Variants in MACROD2 observed in about 807,000 individuals in gnomAD.
MACROD2 encodes the protein mono-ADP ribosylhydrolase 2.
A neutral mutation model predicts 70.4 loss-of-function variants in MACROD2; 36 were observed. The ratio of observed to expected loss-of-function variants is 0.51; its 90% CI spans 0.39 to 0.68. The LOEUF (loss-of-function observed/expected upper bound fraction) is 0.68, where lower values mean the gene tolerates loss of function less well. MACROD2 is among the 30% of genes least tolerant of loss of function. The probability of loss-of-function intolerance (pLI) is 0.00; values close to 1 mark genes in which losing one functional copy is unlikely to be tolerated. For synonymous variants in MACROD2, 172 were observed against 178.8 expected, an observed-to-expected ratio of 0.96 and a Z score of 0.30; for missense variants, 496 against 538.4, an observed-to-expected ratio of 0.92 and a Z score of 0.78.
chr20:15,234,009 ATTCTTTTTTTTTTT>A (rs1555795282), intron 6 of MACROD2, among the ~76,000 whole-genome samples: 2 of 39,990 alleles, frequency 5.0e-5, no homozygotes, highest in African/African-American at 8.6e-5. Context: ...ATATATATAT[ATTCTTTTTTTTTTT>A]TTTTTTTTTT....
chr20:14,814,376 G>C (rs1281991937), intron 5 of MACROD2, among the ~76,000 whole-genome samples: 1 of 151,998 alleles, frequency 6.6e-6, no homozygotes, highest in Non-Finnish European at 1.5e-5. Context: ...AACAGTAAAT[G>C]CTTACAGTTT....
At chr20:14,988,338 A>G (rs1386775482) in intron 5 of MACROD2, among the ~76,000 whole-genome samples, 2 of 137,708 alleles carry the variant, frequency 1.5e-5, no homozygotes, top group African/African-American at 5.5e-5. Flanking sequence ...TACTCCAGCC[A>G]GAGAATGAGA....
chr20:15,192,990 T>C (rs1448178653), intron 5 of MACROD2, among the ~76,000 whole-genome samples: 1 of 152,212 alleles, frequency 6.6e-6, no homozygotes, highest in Admixed American at 6.5e-5. Context: ...GACAGAGCTG[T>C]CAGCTTTGTG....
chr20:14,376,902 T>C (rs2083377325), intron 3 of MACROD2, among the ~76,000 whole-genome samples: 1 of 151,994 alleles, frequency 6.6e-6, no homozygotes, highest in Non-Finnish European at 1.5e-5. Flanking sequence ...TGAATCTGTT[T>C]TCTTATCTAT....
intron 8 of MACROD2, among the ~76,000 whole-genome samples, chr20:15,742,245 A>G (rs987820690): frequency 2.0e-5 from 3 of 152,208 alleles, no homozygotes; most frequent in African/African-American, 7.2e-5. Flanking sequence ...TCTCTGACTC[A>G]TCTTAAAAAG....
At chr20:15,237,343 A>G (rs1459904184) in intron 6 of MACROD2, among the ~76,000 whole-genome samples, 2 of 152,198 alleles carry the variant, frequency 1.3e-5, no homozygotes, top group Admixed American at 6.5e-5. Context: ...TTGAGTCCAC[A>G]TTTAGAGAAT....
intron 10 of MACROD2, among the ~76,000 whole-genome samples, chr20:15,922,980 T>TC (rs11087151): frequency 1 from 152,336 of 152,336 alleles, 76,168 homozygotes; most frequent in Non-Finnish European, 1. Flanking sequence ...TATTTTTGTC[T>TC]ACAAATATTA....
chr20:14,315,552 GATA>G lies in MACROD2; in HGVS notation c.272-177922_272-177920del, dbSNP rs1398017390. Among the ~76,000 whole-genome samples, 12 of 152,238 alleles carry G rather than the reference GATA, an allele frequency of 7.9e-5. No homozygotes were observed. The East Asian group carries it at 1.9e-3, about 24-fold the overall frequency. ...AGTTTGCATTTTAATGAGGCATATA[GATA>G]ATAACACATAAGCAAAATATTAAAT... On this transcript the variant is annotated intron_variant, in intron 3 of 17. Transcript: ENST00000684519.
chr20:15,522,955 A>G (rs2047672901), intron 8 of MACROD2, among the ~76,000 whole-genome samples: 1 of 152,218 alleles, frequency 6.6e-6, no homozygotes, highest in South Asian at 2.1e-4. Flanking sequence ...ATCTCATTAC[A>G]ACTCCAGCAA....
At chr20:14,702,104 A>C (rs1021556305) in intron 5 of MACROD2, among the ~76,000 whole-genome samples, 1 of 151,530 alleles carries the variant, frequency 6.6e-6, no homozygotes, top group Non-Finnish European at 1.5e-5. Flanking sequence ...GTTTCTTTTG[A>C]ATTTCTTCCC....
chr20:14,227,720 T>C (rs556361359), intron 3 of MACROD2, among the ~76,000 whole-genome samples: 3 of 152,248 alleles, frequency 2.0e-5, no homozygotes, highest in Admixed American at 6.5e-5. Flanking sequence ...AGATGCCAAC[T>C]TTACTTTTTT....
intron 3 of MACROD2, among the ~76,000 whole-genome samples, chr20:14,245,362 C>CAA (rs11477339): frequency 1.0e-4 from 13 of 129,922 alleles, no homozygotes; most frequent in African/African-American, 3.1e-4. Flanking sequence ...GACTTCGTCT[C>CAA]AAAAAAAAAA....
At chr20:15,933,444 T>A in intron 11 of MACROD2, 106 bp downstream of exon 11, 5 of 999,562 alleles carry the variant, frequency 5.0e-6, no homozygotes, top group Non-Finnish European at 7.4e-6. Context: ...TTTCACCAGA[T>A]GAACTCCAGT....
intron 6 of MACROD2, among the ~76,000 whole-genome samples, chr20:15,412,097 TAAATGGATCA>T (rs2046086504): frequency 6.6e-6 from 1 of 152,160 alleles, no homozygotes; most frequent in African/African-American, 2.4e-5. Flanking sequence ...GTTCAGTTGC[TAAATGGATCA>T]AAATTAGTTT....
At chr20:14,541,254 C>T (rs1412780315) in intron 4 of MACROD2, among the ~76,000 whole-genome samples, 1 of 152,110 alleles carries the variant, frequency 6.6e-6, no homozygotes, top group African/African-American at 2.4e-5. Flanking sequence ...CATTTGATGA[C>T]ATACTTTTTA....
At chr20:14,515,465 G>GCGCACACACACACACA (rs1369248292) in intron 4 of MACROD2, among the ~76,000 whole-genome samples, 1,994 of 127,124 alleles carry the variant, frequency 0.016, 24 homozygotes, top group African/African-American at 0.025. Context: ...ACACACACAC[G>GCGCACACACACACACA]CACACACACA....
At chr20:14,729,325 A>G (rs996824833) in intron 5 of MACROD2, among the ~76,000 whole-genome samples, 1 of 152,196 alleles carries the variant, frequency 6.6e-6, no homozygotes, top group African/African-American at 2.4e-5. Context: ...AAGATTGACT[A>G]GACTAGATAT....
chr20:15,350,109 T>C (rs2078211412), intron 6 of MACROD2, among the ~76,000 whole-genome samples: 1 of 152,340 alleles, frequency 6.6e-6, no homozygotes, highest in African/African-American at 2.4e-5. Flanking sequence ...TGTGGTTAAC[T>C]TGGAGATTTA....
chr20:14,503,563 A>G (rs1211667042), intron 4 of MACROD2, among the ~76,000 whole-genome samples: 1 of 152,208 alleles, frequency 6.6e-6, no homozygotes, highest in African/African-American at 2.4e-5. Flanking sequence ...TCAGAAGTGT[A>G]CAATATTGGG....
Sources: allele counts gnomAD v4.1 joint callset (sites outside exome capture counted in the v4.1 genomes callset), GRCh38; gene constraint gnomAD v4.1.1; transcripts MANE v1.5; gene names NCBI Gene and HGNC (gene_info 2026-07-23, HGNC 2026-07-21).